The following GRK4 variants were observed in gnomAD, a reference collection of about 807,000 sequenced individuals.
GRK4 encodes the protein G protein-coupled receptor kinase 2-like.
GRK4 carries 73 observed loss-of-function variants against 77.9 expected under a neutral mutation model. That is an observed-to-expected ratio of 0.94 (90% CI 0.78 to 1.14). The LOEUF is 1.14. Among genes scored for constraint, GRK4 ranks in the 50% most tolerant of loss-of-function variants. GRK4 has a pLI of 0.00. For missense variants in GRK4, 729 were observed against 700.2 expected (o/e 1.04, Z -0.46); for synonymous variants, 257 against 254.4 (o/e 1.01, Z -0.10).
At chr4:2,964,192 C>A in intron 1 of GRK4, 70 bp downstream of exon 1, 1 of 1,301,548 alleles carries the variant, frequency 7.7e-7, no homozygotes, top group East Asian at 2.4e-5. Flanking sequence ...CCTGGCCCCC[C>A]TGAAGGAACC....
chr4:2,992,692 A>T (rs1319589192), intron 4 of GRK4, among the ~76,000 whole-genome samples: 1 of 151,942 alleles, frequency 6.6e-6, no homozygotes, highest in African/African-American at 2.4e-5. Flanking sequence ...AAAAAAATAA[A>T]AAGTAAGGCC....
chr4:3,004,361 T>C, intron 5 of GRK4, 27 bp downstream of exon 5: 4 of 1,405,112 alleles, frequency 2.8e-6, no homozygotes, highest in Non-Finnish European at 4.0e-6. Flanking sequence ...GAGCCCTGCA[T>C]ATATTATCTA....
In GRK4 at chr4:3,037,430, AG is replaced by A; in HGVS notation, c.1467del (p.Ile490SerfsTer27). ...ATATCGAGCAGTTCTCGGTGGTGAA[AG>A]GGATCTACCTGGACACCGCAGATGA... ...LDIEQFSVVK[G>X]IYLDTADEDF... On this transcript the variant is annotated frameshift_variant, in exon 14 of 16. Coordinates refer to ENST00000398052, the MANE Select transcript of GRK4 (RefSeq NM_182982.3). LOFTEE classifies it high-confidence loss of function. 6.2e-7 allele frequency: 1 copy of A among 1,606,724 alleles called. No individual in the cohort carries two copies. The highest frequency in any genetic ancestry group is 8.5e-7 in the Non-Finnish European group (1 of 1,175,018).
At chr4:2,968,298 A>C (rs749650720) in intron 1 of GRK4, among the ~76,000 whole-genome samples, 1 of 152,132 alleles carries the variant, frequency 6.6e-6, no homozygotes, top group Admixed American at 6.5e-5. Flanking sequence ...TTTTGGTCTT[A>C]TATATTGCAA....
At chr4:3,033,824 A>G (rs1739828608) in intron 12 of GRK4, among the ~76,000 whole-genome samples, 2 of 152,162 alleles carry the variant, frequency 1.3e-5, no homozygotes, top group Admixed American at 1.3e-4. Context: ...TGACCTCGTG[A>G]TCCACCCACC....
intron 1 of GRK4, among the ~76,000 whole-genome samples, chr4:2,967,480 A>T (rs1475560230): frequency 6.6e-6 from 1 of 152,140 alleles, no homozygotes; most frequent in Non-Finnish European, 1.5e-5. Context: ...AGCACACTGC[A>T]ACCTCTGCCG....
chr4:3,035,340 AT>A, intron 12 of GRK4, 45 bp from the exon 13 acceptor site: 1 of 1,610,300 alleles, frequency 6.2e-7, no homozygotes, highest in Non-Finnish European at 8.5e-7. Flanking sequence ...TTGAGTTTTC[AT>A]TTTTATCCAG....
chr4:2,999,242 A>G (rs1728847852), intron 4 of GRK4, among the ~76,000 whole-genome samples: 5 of 152,190 alleles, frequency 3.3e-5, no homozygotes, highest in Admixed American at 3.3e-4. Context: ...GGGTATGCAC[A>G]CGCCTGGGTG....
chr4:3,001,719 C>T (rs1431637429), intron 4 of GRK4, among the ~76,000 whole-genome samples: 4 of 152,096 alleles, frequency 2.6e-5, no homozygotes, highest in Non-Finnish European at 5.9e-5. Context: ...TAAATGGCAG[C>T]TACTAATCAT....
At chr4:3,016,842 C>G (rs1447131715) in intron 8 of GRK4, among the ~76,000 whole-genome samples, 2 of 152,174 alleles carry the variant, frequency 1.3e-5, no homozygotes, top group South Asian at 2.1e-4. Context: ...TGCTTAAATG[C>G]TTTGATTTCT....
At chr4:3,004,574 A>G (rs1160281169) in intron 5 of GRK4, among the ~76,000 whole-genome samples, 2 of 152,234 alleles carry the variant, frequency 1.3e-5, no homozygotes, top group African/African-American at 2.4e-5. Context: ...AGCCTTACTG[A>G]TAACATAAAC....
At chr4:2,984,654 G>C in intron 2 of GRK4, 46 bp downstream of exon 2, 1 of 981,080 alleles carries the variant, frequency 1.0e-6, no homozygotes, top group Non-Finnish European at 1.5e-6. Flanking sequence ...CATCTGGCAT[G>C]ATACCATTCA....
At chr4:2,964,154 C>T (rs774261636) in intron 1 of GRK4, 32 bp downstream of exon 1, 2 of 1,544,960 alleles carry the variant, frequency 1.3e-6, no homozygotes, top group Non-Finnish European at 1.8e-6. Context: ...CCGACCCCCC[C>T]CCCAGAGAAC....
chr4:3,021,239 G>C (rs539082059), intron 9 of GRK4, among the ~76,000 whole-genome samples: 1 of 152,266 alleles, frequency 6.6e-6, no homozygotes, highest in Non-Finnish European at 1.5e-5. Context: ...CTTTGCACAA[G>C]GTGTTCCTGT....
Position 3,029,223 on chromosome 4 carries a change from A to G in GRK4, c.1083A>G (p.Glu361=). ...GYMAPEVVNN[E]KYTFSPDWWG... ...TAGCACCTGAAGTTGTCAATAATGA[A>G]AAGTATACGTTTAGTCCCGATTGGT... is the stretch of plus-strand genomic sequence containing the variant. Residue 361 remains glutamate (E), a synonymous_variant, in exon 12 of 16, where the codon GAA becomes GAG. Coordinates refer to ENST00000398052, the MANE Select transcript of GRK4 (RefSeq NM_182982.3). 1 of 1,612,784 alleles carries G rather than the reference A, an allele frequency of 6.2e-7. No individual in the cohort carries two copies. The highest frequency in any genetic ancestry group is 8.5e-7 in the Non-Finnish European group (1 of 1,179,098).
intron 1 of GRK4, chr4:2,965,613 G>C (rs1286700756): frequency 1.6e-6 from 1 of 623,370 alleles, no homozygotes; most frequent in Non-Finnish European, 2.9e-6. Context: ...GGAAGCTGAG[G>C]TGGAAGGCTC....
rs1341650343 is a variant in GRK4, at chr4:3,019,800, G to A, written c.901G>A (p.Glu301Lys). Residue 301 changes from glutamate to lysine, a missense_variant, in exon 9 of 16, where the codon GAA (glutamate) becomes AAA (lysine). Coordinates refer to ENST00000398052, the MANE Select transcript of GRK4 (RefSeq NM_182982.3). ...FYAAELCCGL[E>K]DLQRERIVYR... ...TGCTGCAGAGCTGTGTTGCGGCTTG[G>A]AAGATTTACAGAGGGAAAGAATTGT... 4 of 1,614,086 alleles carry A rather than the reference G, an allele frequency of 2.5e-6. No individual in the cohort carries two copies. In the African/African-American group the frequency reaches 4.0e-5, roughly 16 times the overall value.
At chr4:2,979,403 CAAAAAAA>C (rs144374548) in intron 1 of GRK4, among the ~76,000 whole-genome samples, 77 of 59,212 alleles carry the variant, frequency 1.3e-3, no homozygotes, top group Non-Finnish European at 2.2e-3. Flanking sequence ...GACTCTGTCT[CAAAAAAA>C]AAAAAAAAAA....
intron 4 of GRK4, among the ~76,000 whole-genome samples, chr4:3,001,317 G>T (rs1729713438): frequency 7.0e-6 from 1 of 142,436 alleles, no homozygotes; most frequent in Non-Finnish European, 1.5e-5. Flanking sequence ...ATGTGTGTGT[G>T]AGTACATATA....
Sources: gnomAD v4.1 joint callset for allele counts (sites outside exome capture counted in the v4.1 genomes callset) on GRCh38, gnomAD v4.1.1 for gene constraint, MANE v1.5 for transcripts, NCBI Gene and HGNC (gene_info 2026-07-23, HGNC 2026-07-21) for gene names.